DAB1: variants seen among roughly 807,000 people sequenced by gnomAD.
The protein encoded by DAB1 is disabled homolog 1.
A neutral mutation model predicts 64.6 loss-of-function variants in DAB1; 15 were observed. That is an observed-to-expected ratio of 0.23 (90% CI 0.16 to 0.36). The LOEUF is 0.36. DAB1 is among the 10% of genes least tolerant of loss of function. The probability of loss-of-function intolerance (pLI) is 1.00; values close to 1 mark genes in which losing one functional copy is unlikely to be tolerated. For missense variants in DAB1, 596 were observed against 706.7 expected, an observed-to-expected ratio of 0.84 and a Z score of 1.78; for synonymous variants, 235 against 251.9, an observed-to-expected ratio of 0.93 and a Z score of 0.64.
intron 6 of DAB1, among the ~76,000 whole-genome samples, chr1:57,742,131 C>T (rs2101791544): frequency 6.6e-6 from 1 of 152,192 alleles, no homozygotes; most frequent in Admixed American, 6.5e-5. Flanking sequence ...ATGATAGCCA[C>T]TTGGAATACA....
At chr1:58,142,462 G>A (rs1468336777) in intron 5 of DAB1, among the ~76,000 whole-genome samples, 1 of 152,184 alleles carries the variant, frequency 6.6e-6, no homozygotes, top group Non-Finnish European at 1.5e-5. Flanking sequence ...GCAGGAAATG[G>A]AGTCTCTTCA....
intron 9 of DAB1, chr1:57,033,493 C>T: frequency 6.2e-7 from 1 of 1,612,770 alleles, no homozygotes; most frequent in Non-Finnish European, 8.5e-7. Context: ...TGACATGAAA[C>T]AGTTAACCAG....
chr1:56,997,280 C>T lies in DAB1; in HGVS notation c.*864G>A, dbSNP rs1263078861. ...TTAGAGCTTCTTAAGAAATCAGATG[C>T]ATTTTTCATCTTTCTCATCAATGGG... On this transcript the variant is annotated 3_prime_UTR_variant, in exon 15 of 15. Transcript: ENST00000371236. 6.6e-6 allele frequency: 1 copy of T among 152,134 alleles called. No homozygotes were observed. Among genetic ancestry groups the T allele is most frequent in the African/African-American group, 2.4e-5 (1 of 41,420 alleles). 9.4% of individuals were successfully genotyped at this position (152,134 alleles called of 1,614,324 possible).
intron 4 of DAB1, among the ~76,000 whole-genome samples, chr1:58,241,745 GA>G (rs1463067473): frequency 1.3e-5 from 2 of 151,904 alleles, no homozygotes; most frequent in African/African-American, 4.8e-5. Flanking sequence ...CAGACATCAG[GA>G]AAACACAAAG....
intron 3 of DAB1, among the ~76,000 whole-genome samples, chr1:58,501,300 G>C (rs552293886): frequency 6.6e-6 from 1 of 152,184 alleles, no homozygotes; most frequent in East Asian, 1.9e-4. Context: ...AAGCAAGAAA[G>C]GAACTCATCT....
At chr1:57,264,330 G>A (rs560736923) in intron 2 of DAB1, among the ~76,000 whole-genome samples, 15 of 152,118 alleles carry the variant, frequency 9.9e-5, no homozygotes, top group African/African-American at 2.6e-4. Context: ...AGTCTATCAC[G>A]GAAAACAGAT....
At chr1:57,678,455 T>C (rs1238203795) in intron 6 of DAB1, among the ~76,000 whole-genome samples, 1 of 152,194 alleles carries the variant, frequency 6.6e-6, no homozygotes, top group African/African-American at 2.4e-5. Context: ...TGATGCCATA[T>C]TGAAGAACAT....
intron 1 of DAB1, among the ~76,000 whole-genome samples, chr1:57,347,399 AT>A (rs1167741375): frequency 2.0e-5 from 3 of 152,180 alleles, no homozygotes; most frequent in Non-Finnish European, 4.4e-5. Context: ...GTATTACAGG[AT>A]TTCTATGATC....
chr1:57,687,077 C>T (rs140344711), intron 6 of DAB1, among the ~76,000 whole-genome samples: 17 of 152,164 alleles, frequency 1.1e-4, no homozygotes, highest in African/African-American at 3.1e-4. Context: ...AAAAAAGCAT[C>T]CGAATAGAAT....
intron 5 of DAB1, among the ~76,000 whole-genome samples, chr1:57,982,261 T>C (rs1337795041): frequency 6.6e-6 from 1 of 152,200 alleles, no homozygotes; most frequent in East Asian, 1.9e-4. Flanking sequence ...CAAAGGTAAA[T>C]TGTCCTTTAG....
At chr1:58,327,678 A>G (rs1243003052) in intron 4 of DAB1, among the ~76,000 whole-genome samples, 1 of 152,098 alleles carries the variant, frequency 6.6e-6, no homozygotes, top group South Asian at 2.1e-4. Flanking sequence ...AGGCCTTGAG[A>G]AATGAGCAAG....
At chr1:58,237,338 C>T (rs1390807054) in intron 4 of DAB1, among the ~76,000 whole-genome samples, 2 of 152,072 alleles carry the variant, frequency 1.3e-5, no homozygotes, top group South Asian at 2.1e-4. Context: ...GAGGTTGGCA[C>T]GAAGAAGACA....
At chr1:58,527,447 C>G in intron 1 of DAB1, 1 of 644,740 alleles carries the variant, frequency 1.6e-6, no homozygotes, top group Non-Finnish European at 2.8e-6. Context: ...GATAAAATTC[C>G]TATACTGTCT....
At chr1:58,123,767 C>T (rs897273233) in intron 5 of DAB1, among the ~76,000 whole-genome samples, 2 of 152,098 alleles carry the variant, frequency 1.3e-5, no homozygotes, top group South Asian at 4.1e-4. Context: ...TCTCTTCTGG[C>T]TCTGTTCGTA....
At chr1:57,580,192 A>G (rs895537178) in intron 7 of DAB1, among the ~76,000 whole-genome samples, 1 of 152,162 alleles carries the variant, frequency 6.6e-6, no homozygotes, top group African/African-American at 2.4e-5. Context: ...TGCAGACTTC[A>G]TCGGCTTCTC....
chr1:57,710,725 C>T (rs1002675040), intron 6 of DAB1, among the ~76,000 whole-genome samples: 10 of 151,948 alleles, frequency 6.6e-5, no homozygotes, highest in Non-Finnish European at 1.5e-5. Flanking sequence ...GTCTTTCATG[C>T]AAGATTTACT....
chr1:57,968,846 T>C (rs1645730993), intron 5 of DAB1, among the ~76,000 whole-genome samples: 1 of 152,182 alleles, frequency 6.6e-6, no homozygotes, highest in Non-Finnish European at 1.5e-5. Context: ...GCTTGAAAAC[T>C]GTAGAACCTA....
intron 4 of DAB1, among the ~76,000 whole-genome samples, chr1:58,216,690 T>C (rs1658873931): frequency 6.6e-6 from 1 of 152,214 alleles, no homozygotes; most frequent in Non-Finnish European, 1.5e-5. Context: ...CTCCAGCATC[T>C]GTTGTTTCCT....
chr1:57,118,806 C>T (rs1656377237), intron 4 of DAB1, among the ~76,000 whole-genome samples: 2 of 152,120 alleles, frequency 1.3e-5, no homozygotes. Flanking sequence ...CTCAATACAC[C>T]TGTGATTTTA....
Sources: gnomAD v4.1 joint callset for allele counts (sites outside exome capture counted in the v4.1 genomes callset) on GRCh38, gnomAD v4.1.1 for gene constraint, MANE v1.5 for transcripts, NCBI Gene and HGNC (gene_info 2026-07-23, HGNC 2026-07-21) for gene names.